PAX5: variants seen among roughly 807,000 people sequenced by gnomAD.
PAX5 encodes the protein paired box 5.
Under a neutral mutation model 43.7 loss-of-function variants are expected in PAX5, and 9 were observed. That is an observed-to-expected ratio of 0.21 (90% confidence interval 0.12 to 0.36). The LOEUF (loss-of-function observed/expected upper bound fraction) is 0.36. Ranked by LOEUF, PAX5 falls within the 10% of genes least tolerant of loss-of-function variation. The pLI, the probability that PAX5 is intolerant of heterozygous loss-of-function variation, is 1.00. For missense variants in PAX5, 383 were observed against 532.7 expected, an observed-to-expected ratio of 0.72 and a Z score of 2.77; for synonymous variants, 228 against 214.3, an observed-to-expected ratio of 1.06 and a Z score of -0.56.
chr9:36,950,947 G>A (rs1030335025), intron 6 of PAX5, among the ~76,000 whole-genome samples: 1 of 151,884 alleles, frequency 6.6e-6, no homozygotes, highest in Non-Finnish European at 1.5e-5. Context: ...TCACCATCTC[G>A]AGACCAAGCT....
chr9:37,010,257 C>G (rs958261995), intron 3 of PAX5, among the ~76,000 whole-genome samples: 2 of 152,186 alleles, frequency 1.3e-5, no homozygotes, highest in Admixed American at 6.5e-5. Context: ...GAGCAGGACC[C>G]TGGCTGCCGT....
chr9:37,001,282 G>T (rs1837828169), intron 5 of PAX5, among the ~76,000 whole-genome samples: 3 of 152,112 alleles, frequency 2.0e-5, no homozygotes, highest in Admixed American at 2.0e-4. Flanking sequence ...TCTCCACCTG[G>T]ATCCCTCAGC....
At chr9:37,007,538 C>G (rs1313033839) in intron 3 of PAX5, 4 of 152,212 alleles carry the variant, frequency 2.6e-5, no homozygotes, top group Non-Finnish European at 5.9e-5. Context: ...AGCAGCAGAA[C>G]AGGGCCACGC....
At chr9:37,021,626 G>A (rs1839861930) in intron 1 of PAX5, among the ~76,000 whole-genome samples, 1 of 152,174 alleles carries the variant, frequency 6.6e-6, no homozygotes, top group Non-Finnish European at 1.5e-5. Flanking sequence ...GGTTTTACAA[G>A]GGTCCTGGGA....
chr9:36,909,263 T>A (rs1047203783), intron 7 of PAX5, among the ~76,000 whole-genome samples: 1 of 152,254 alleles, frequency 6.6e-6, no homozygotes, highest in Non-Finnish European at 1.5e-5. Flanking sequence ...AATTTGGATA[T>A]GGAGTTTTCA....
chr9:36,962,399 C>T (rs1199160245), intron 6 of PAX5, among the ~76,000 whole-genome samples: 1 of 152,142 alleles, frequency 6.6e-6, no homozygotes, highest in Non-Finnish European at 1.5e-5. Context: ...TTGGAAACTC[C>T]TTGAATAAAC....
intron 8 of PAX5, among the ~76,000 whole-genome samples, chr9:36,878,875 C>T (rs146815689): frequency 1.1e-4 from 17 of 152,300 alleles, no homozygotes; most frequent in East Asian, 9.6e-4. Context: ...CCAGCCCTGA[C>T]GCCAGGCATG....
At chr9:37,005,671 G>A (rs1838326547) in intron 4 of PAX5, among the ~76,000 whole-genome samples, 1 of 152,222 alleles carries the variant, frequency 6.6e-6, no homozygotes, top group Non-Finnish European at 1.5e-5. Flanking sequence ...CACAATCTGA[G>A]GTGTGATTCT....
At chr9:36,984,464 G>T (rs4880046) in intron 5 of PAX5, among the ~76,000 whole-genome samples, 2 of 116,456 alleles carry the variant, frequency 1.7e-5, no homozygotes, top group African/African-American at 3.6e-5. Flanking sequence ...TTTTGAGATG[G>T]AGTTTCGCTC....
At chr9:36,997,354 G>T (rs551144907) in intron 5 of PAX5, among the ~76,000 whole-genome samples, 1 of 152,176 alleles carries the variant, frequency 6.6e-6, no homozygotes, top group Admixed American at 6.5e-5. Flanking sequence ...AAAGGGATTC[G>T]CACTCCGCTG....
chr9:37,016,796 A>G (rs905482010), intron 2 of PAX5, among the ~76,000 whole-genome samples: 2 of 152,238 alleles, frequency 1.3e-5, no homozygotes, highest in African/African-American at 4.8e-5. Context: ...GTTACCCAAG[A>G]TGACTGGTCA....
chr9:36,865,709 C>A (rs929023600), intron 8 of PAX5, among the ~76,000 whole-genome samples: 1 of 152,164 alleles, frequency 6.6e-6, no homozygotes, highest in Admixed American at 6.5e-5. Context: ...ACTAGTAACC[C>A]CTCCCAGTAT....
At chr9:36,976,713 G>A (rs1275932436) in intron 5 of PAX5, among the ~76,000 whole-genome samples, 6 of 152,222 alleles carry the variant, frequency 3.9e-5, no homozygotes, top group Non-Finnish European at 7.3e-5. Flanking sequence ...GAAGGAAAAT[G>A]CGAAATTGTA....
intron 5 of PAX5, among the ~76,000 whole-genome samples, chr9:36,982,994 A>G (rs190739454): frequency 1.3e-5 from 2 of 152,256 alleles, no homozygotes; most frequent in Non-Finnish European, 2.9e-5. Flanking sequence ...CATTTAATGG[A>G]TGGGGCCAGG....
intron 6 of PAX5, among the ~76,000 whole-genome samples, chr9:36,960,455 G>A (rs943777561): frequency 2.2e-4 from 34 of 152,132 alleles, no homozygotes; most frequent in African/African-American, 8.0e-4. Flanking sequence ...AGCAAGCAGA[G>A]GGACATGGGG....
intron 6 of PAX5, among the ~76,000 whole-genome samples, chr9:36,944,259 A>T (rs1832318444): frequency 6.6e-6 from 1 of 152,176 alleles, no homozygotes; most frequent in Non-Finnish European, 1.5e-5. Context: ...TCATGTCAAC[A>T]TGTGCCACAT....
intron 7 of PAX5, among the ~76,000 whole-genome samples, chr9:36,912,034 A>G (rs899227654): frequency 1.3e-5 from 2 of 152,258 alleles, no homozygotes; most frequent in African/African-American, 4.8e-5. Context: ...AAACAAGTGG[A>G]AAAAATTCAG....
intron 6 of PAX5, among the ~76,000 whole-genome samples, chr9:36,965,219 T>A (rs1564017736): frequency 6.6e-6 from 1 of 152,122 alleles, no homozygotes; most frequent in Non-Finnish European, 1.5e-5. Context: ...CTGTAACCCA[T>A]GACCCTTTAG....
chr9:36,866,567 T>C (rs1318954481), intron 8 of PAX5, among the ~76,000 whole-genome samples: 2 of 152,112 alleles, frequency 1.3e-5, no homozygotes, highest in Non-Finnish European at 2.9e-5. Flanking sequence ...GGGGTCTCGA[T>C]TTGTGTTGCT....
Sources: allele counts gnomAD v4.1 joint callset (sites outside exome capture counted in the v4.1 genomes callset), GRCh38; gene constraint gnomAD v4.1.1; transcripts MANE v1.5; gene names NCBI Gene and HGNC (gene_info 2026-07-23, HGNC 2026-07-21).